The following MAGI2 variants were observed in gnomAD, a reference collection of about 807,000 sequenced individuals.
MAGI2 encodes the protein membrane associated guanylate kinase, WW and PDZ domain containing 2.
MAGI2 carries 35 observed loss-of-function variants against 133.3 expected under a neutral mutation model. The ratio of observed to expected loss-of-function variants is 0.26; its 90% confidence interval spans 0.20 to 0.35. MAGI2 has a LOEUF of 0.35. MAGI2 is among the 10% of genes least tolerant of loss of function. MAGI2 has a pLI of 1.00. For synonymous variants in MAGI2, 729 were observed against 710.6 expected, an observed-to-expected ratio of 1.03 and a Z score of -0.41; for missense variants, 1,636 against 1,863.4, an observed-to-expected ratio of 0.88 and a Z score of 2.25.
chr7:78,461,927 A>AG (rs1790082563), intron 6 of MAGI2, among the ~76,000 whole-genome samples: 4 of 128,594 alleles, frequency 3.1e-5, no homozygotes, highest in African/African-American at 1.3e-4. Context: ...AAAAAAAAAA[A>AG]AAAAAAAAAA....
intron 20 of MAGI2, among the ~76,000 whole-genome samples, chr7:78,109,342 G>GA (rs1275964929): frequency 8.3e-4 from 71 of 85,720 alleles, no homozygotes; most frequent in Admixed American, 1.2e-3. Flanking sequence ...AAAGAAAAAA[G>GA]AAAAAAAAAA....
rs546302550 is a variant in MAGI2 at position 78,087,149 on chromosome 7, G to T, written c.3568-8064C>A. ...GGTGCCTTTTCTGTGCATTTCTTTA[G>T]AAGTATTGACCTTTGCCAATAATAT... On this transcript the variant is annotated intron_variant, in intron 20 of 21. Transcript: ENST00000354212. 1.7e-4 allele frequency among the ~76,000 whole-genome samples: 26 copies of T among 152,266 alleles called. No homozygotes were observed. In the East Asian group the frequency reaches 5.0e-3, roughly 29 times the overall value.
chr7:78,431,847 C>T (rs184626772), intron 6 of MAGI2, among the ~76,000 whole-genome samples: 1 of 151,946 alleles, frequency 6.6e-6, no homozygotes, highest in East Asian at 1.9e-4. Context: ...AGAAAATAGA[C>T]ATAAGTAAAA....
intron 9 of MAGI2, among the ~76,000 whole-genome samples, chr7:78,333,848 G>C (rs1363446725): frequency 9.2e-5 from 14 of 152,198 alleles, no homozygotes; most frequent in African/African-American, 3.4e-4. Flanking sequence ...CGACCTGCCT[G>C]ATCCTGAGTG....
chr7:78,597,003 T>C (rs1804674602), intron 3 of MAGI2, among the ~76,000 whole-genome samples: 1 of 152,038 alleles, frequency 6.6e-6, no homozygotes, highest in Non-Finnish European at 1.5e-5. Flanking sequence ...TGCACATACC[T>C]CTCCCACGTT....
At chr7:79,202,605 G>A (rs945910231) in intron 1 of MAGI2, among the ~76,000 whole-genome samples, 8 of 151,646 alleles carry the variant, frequency 5.3e-5, no homozygotes, top group Non-Finnish European at 8.8e-5. Flanking sequence ...TTAATAAAAC[G>A]TATTTAAAAA....
chr7:79,293,427 C>T (rs575462287), intron 1 of MAGI2, among the ~76,000 whole-genome samples: 2 of 152,282 alleles, frequency 1.3e-5, no homozygotes, highest in African/African-American at 4.8e-5. Flanking sequence ...ACTCCAGAAT[C>T]TTGAACAATG....
At chr7:78,981,379 G>A (rs1458457798) in intron 2 of MAGI2, among the ~76,000 whole-genome samples, 1 of 151,348 alleles carries the variant, frequency 6.6e-6, no homozygotes, top group Non-Finnish European at 1.5e-5. Flanking sequence ...AAACCTCCAT[G>A]TTATTATCTC....
At chr7:79,198,565 C>T (rs577647275) in intron 1 of MAGI2, among the ~76,000 whole-genome samples, 1 of 152,078 alleles carries the variant, frequency 6.6e-6, no homozygotes, top group Admixed American at 6.6e-5. Context: ...TAGTCATACT[C>T]GCTTTCTTTG....
intron 2 of MAGI2, among the ~76,000 whole-genome samples, chr7:78,976,486 A>G (rs1804263287): frequency 1.3e-5 from 2 of 151,520 alleles, no homozygotes; most frequent in East Asian, 2.0e-4. Context: ...TAAATAAATC[A>G]CCTAACATCT....
intron 2 of MAGI2, among the ~76,000 whole-genome samples, chr7:78,824,453 T>C (rs367629822): frequency 1.2e-4 from 18 of 152,220 alleles, no homozygotes; most frequent in Admixed American, 3.3e-4. Flanking sequence ...TTCCTGACTT[T>C]TTAATATTCG....
intron 6 of MAGI2, among the ~76,000 whole-genome samples, chr7:78,427,897 T>A (rs1799441983): frequency 6.6e-6 from 1 of 152,088 alleles, no homozygotes; most frequent in Non-Finnish European, 1.5e-5. Flanking sequence ...GAATTATAAA[T>A]TGGGCTGGTC....
chr7:78,594,050 C>A (rs187638672), intron 3 of MAGI2, among the ~76,000 whole-genome samples: 1 of 152,266 alleles, frequency 6.6e-6, no homozygotes, highest in East Asian at 1.9e-4. Flanking sequence ...TTTGGTAGTG[C>A]CTGGCTTAAA....
intron 2 of MAGI2, chr7:78,771,199 C>G (rs559341766): frequency 2.0e-5 from 3 of 152,518 alleles, no homozygotes; most frequent in South Asian, 2.1e-4. Context: ...CGCTTATGCT[C>G]TCTCCCTCCG....
chr7:78,056,276 A>G (rs900457541), intron 21 of MAGI2, among the ~76,000 whole-genome samples: 1 of 152,180 alleles, frequency 6.6e-6, no homozygotes, highest in Admixed American at 6.6e-5. Context: ...GCTAAATAAT[A>G]TTCCATTGTA....
chr7:79,106,699 T>A (rs960378738), intron 1 of MAGI2, among the ~76,000 whole-genome samples: 4 of 152,184 alleles, frequency 2.6e-5, no homozygotes, highest in Non-Finnish European at 4.4e-5. Flanking sequence ...CTATGTCAAG[T>A]ATATTTTCTC....
chr7:78,982,545 C>T (rs1273400514), intron 2 of MAGI2, among the ~76,000 whole-genome samples: 4 of 151,626 alleles, frequency 2.6e-5, no homozygotes, highest in South Asian at 4.1e-4. Flanking sequence ...TCACAGTGAA[C>T]CTTGATAAGA....
chr7:78,990,619 C>G (rs1805664963), intron 2 of MAGI2, among the ~76,000 whole-genome samples: 2 of 152,054 alleles, frequency 1.3e-5, no homozygotes, highest in African/African-American at 4.8e-5. Context: ...AAGAATCTGT[C>G]TTCTACACTG....
chr7:79,201,491 C>T (rs1365127649), intron 1 of MAGI2, among the ~76,000 whole-genome samples: 1 of 151,850 alleles, frequency 6.6e-6, no homozygotes, highest in East Asian at 1.9e-4. Flanking sequence ...AAGTATATTC[C>T]ATGAATAGTG....
Sources: gnomAD v4.1 joint callset for allele counts (sites outside exome capture counted in the v4.1 genomes callset) on GRCh38, gnomAD v4.1.1 for gene constraint, MANE v1.5 for transcripts, NCBI Gene and HGNC (gene_info 2026-07-23, HGNC 2026-07-21) for gene names.